The following SS18 variants were observed in gnomAD, a reference collection of about 807,000 sequenced individuals.
SS18 encodes the protein SS18 subunit of BAF chromatin remodeling complex.
Under a neutral mutation model 72.5 loss-of-function variants are expected in SS18, and 28 were observed. That is an observed-to-expected ratio of 0.39 (90% confidence interval 0.29 to 0.53). The LOEUF is 0.53. SS18 is among the 20% of genes least tolerant of loss of function. SS18 has a pLI of 0.76. For missense variants in SS18, 518 were observed against 535.3 expected (o/e 0.97, Z 0.32); for synonymous variants, 172 against 164.2 (o/e 1.05, Z -0.37).
chr18:26,018,816 C>T (rs757519881), intron 10 of SS18, among the ~76,000 whole-genome samples: 2 of 151,978 alleles, frequency 1.3e-5, no homozygotes, highest in Non-Finnish European at 1.5e-5. Context: ...AGGGTATTTG[C>T]AATAAGTGGC....
chr18:26,059,804 T>A (rs1367803215), intron 3 of SS18, among the ~76,000 whole-genome samples: 1 of 152,204 alleles, frequency 6.6e-6, no homozygotes, highest in Non-Finnish European at 1.5e-5. Context: ...GGTCTAACAC[T>A]CTTAAAAATT....
At chr18:26,037,054 G>A (rs1240599213) in intron 7 of SS18, among the ~76,000 whole-genome samples, 1 of 151,916 alleles carries the variant, frequency 6.6e-6, no homozygotes, top group Non-Finnish European at 1.5e-5. Context: ...TAAATATCCG[G>A]ACATGAGAGA....
rs2053251971 is a variant in SS18, at chr18:26,016,269, T to C, written c.*2085A>G. The C allele has an allele frequency of 5.6e-6, 1 of 177,846 alleles. No individual in the cohort carries two copies. The highest frequency in any genetic ancestry group is 2.4e-5 in the African/African-American group (1 of 42,252). The allele number at this position is 177,846 out of a possible 1,614,324, so 11.0% of individuals were successfully genotyped here. A position where few individuals can be genotyped will look rare whatever the true frequency, so the allele number is the denominator to read the frequency against. On this transcript the variant is annotated 3_prime_UTR_variant, in exon 11 of 11. Coordinates refer to ENST00000415083, the MANE Select transcript of SS18 (RefSeq NM_001007559.3). ...ATGAGAAAATTAAAATCACAAATAA[T>C]TTATTCTTCCGTTAGAGTTGATACA...
intron 3 of SS18, among the ~76,000 whole-genome samples, chr18:26,060,226 T>C (rs2054094736): frequency 6.6e-6 from 1 of 152,110 alleles, no homozygotes. Flanking sequence ...AAAGAAGAAA[T>C]ACTTATACAT....
intron 3 of SS18, among the ~76,000 whole-genome samples, chr18:26,067,295 A>G (rs1237247967): frequency 6.6e-6 from 1 of 152,234 alleles, no homozygotes; most frequent in Non-Finnish European, 1.5e-5. Flanking sequence ...ATGGCAGGTG[A>G]AAGAAAGGGA....
At chr18:26,020,494 T>C (rs770540089) in intron 10 of SS18, among the ~76,000 whole-genome samples, 4 of 152,320 alleles carry the variant, frequency 2.6e-5, no homozygotes, top group Non-Finnish European at 5.9e-5. Flanking sequence ...AGAACCACTG[T>C]ACCATAGTAT....
At chr18:26,060,771 C>CAAAAAAAAAAAAAAAAAAAAAAAA (rs60999827) in intron 3 of SS18, among the ~76,000 whole-genome samples, 1 of 39,608 alleles carries the variant, frequency 2.5e-5, no homozygotes, top group African/African-American at 6.8e-5. Flanking sequence ...CTAAAAATAC[C>CAAAAAAAAAAAAAAAAAAAAAAAA]AAAAAAAAAA....
chr18:26,019,825 G>A (rs796651290), intron 10 of SS18, among the ~76,000 whole-genome samples: 1 of 148,600 alleles, frequency 6.7e-6, no homozygotes, highest in African/African-American at 2.5e-5. Context: ...AAGAGATTAG[G>A]GATTTTACAC....
At chr18:26,032,200 G>A (rs2053555160) in intron 10 of SS18, among the ~76,000 whole-genome samples, 199 bp downstream of exon 10, 1 of 152,080 alleles carries the variant, frequency 6.6e-6, no homozygotes, top group Non-Finnish European at 1.5e-5. Flanking sequence ...TGTTTTATAT[G>A]ATAGAGTAAC....
At chr18:26,041,469 G>A (rs907765524) in intron 5 of SS18, among the ~76,000 whole-genome samples, 2 of 152,020 alleles carry the variant, frequency 1.3e-5, no homozygotes, top group Non-Finnish European at 2.9e-5. Flanking sequence ...CAGTAGTTCC[G>A]AAGCAAATAA....
rs2053280700 is a variant in SS18 at position 26,018,123 on chromosome 18, T to A, written c.*231A>T. The A allele has an allele frequency of 4.8e-6, 2 of 414,710 alleles. No individual in the cohort carries two copies. 25.7% of individuals were successfully genotyped at this position (414,710 alleles called of 1,614,324 possible). ...ATTGGTTATGTCATTGCATTTTCTG[T>A]CCAATGTTGCCATCTAGAGTAGAAA... On this transcript the variant is annotated 3_prime_UTR_variant, in exon 11 of 11. Coordinates refer to ENST00000415083, the MANE Select transcript of SS18 (RefSeq NM_001007559.3).
In SS18 at chr18:26,018,360, C is replaced by G. The variant is rs770825194; in HGVS notation, c.1251G>C (p.Gln417His). 1.9e-6 allele frequency: 3 copies of G among 1,600,628 alleles called. No individual in the cohort carries two copies. The highest frequency in any genetic ancestry group is 3.4e-4 in the Middle Eastern group (2 of 5,934). The stretch of plus-strand genomic sequence containing the variant: ...CTGGAATGTAAGTACTTTTTCACTG[C>G]TGGTAATTTCCATACTGTCCCTAAA... Reference protein sequence around the residue: ...GYDQGQYGNYQQ With the variant: ...GYDQGQYGNYHQ The change falls in exon 11 of 11, where the codon CAG becomes CAC. Residue 417 changes from glutamine (Q) to histidine (H), a missense_variant. Physicochemically the swap from Gln to His is conservative, Grantham distance 24. Coordinates refer to ENST00000415083, the MANE Select transcript of SS18 (RefSeq NM_001007559.3).
intron 10 of SS18, among the ~76,000 whole-genome samples, chr18:26,020,582 T>A (rs979656902): frequency 1.3e-5 from 2 of 152,192 alleles, no homozygotes; most frequent in African/African-American, 2.4e-5. Flanking sequence ...ATAAATTATA[T>A]CCAAGCAACT....
At chr18:26,055,753 T>TTTTTTTTTTTTG (rs1368881196) in intron 4 of SS18, among the ~76,000 whole-genome samples, 2 of 145,994 alleles carry the variant, frequency 1.4e-5, no homozygotes, top group African/African-American at 5.2e-5. Context: ...TTCTTTCTGT[T>TTTTTTTTTTTTG]TTTTTTTTTT....
At chr18:26,088,893 A>C (rs1027859780) in intron 1 of SS18, among the ~76,000 whole-genome samples, 1 of 152,098 alleles carries the variant, frequency 6.6e-6, no homozygotes, top group Non-Finnish European at 1.5e-5. Context: ...GAAAAAAAAA[A>C]CCACTAACAT....
At chr18:26,083,692 C>T (rs546815257) in intron 2 of SS18, among the ~76,000 whole-genome samples, 3 of 152,144 alleles carry the variant, frequency 2.0e-5, no homozygotes, top group Admixed American at 6.6e-5. Context: ...TATTATAGTA[C>T]AAATATGGTA....
intron 7 of SS18, among the ~76,000 whole-genome samples, chr18:26,037,465 A>C (rs1212502522): frequency 6.6e-6 from 1 of 152,152 alleles, no homozygotes; most frequent in East Asian, 1.9e-4. Context: ...TAAAGTTTTT[A>C]ATTTAAAAAA....
chr18:26,090,303 G>A (rs2054699190), intron 1 of SS18, among the ~76,000 whole-genome samples, 198 bp downstream of exon 1: 1 of 152,220 alleles, frequency 6.6e-6, no homozygotes, highest in South Asian at 2.1e-4. Flanking sequence ...ATGCGTGAAA[G>A]ACTCCGAGAA....
At chr18:26,019,789 CAAAAAAAAAAAAA>C (rs869179852) in intron 10 of SS18, among the ~76,000 whole-genome samples, 6 of 62,566 alleles carry the variant, frequency 9.6e-5, no homozygotes, top group Non-Finnish European at 1.2e-4. Context: ...AACTCTGTCT[CAAAAAAAAAAAAA>C]AAAAAAAAAA....
Sources: allele counts gnomAD v4.1 joint callset (sites outside exome capture counted in the v4.1 genomes callset), GRCh38; gene constraint gnomAD v4.1.1; transcripts MANE v1.5; gene names NCBI Gene and HGNC (gene_info 2026-07-23, HGNC 2026-07-21).